Variants in IRS4 observed in about 807,000 individuals in gnomAD.
IRS4 encodes 160 kDa phosphotyrosine protein.
Under a neutral mutation model 48.6 loss-of-function variants are expected in IRS4, and 15 were observed. The observed-to-expected ratio is 0.31, with a 90% CI of 0.21 to 0.48. The LOEUF is 0.48. IRS4 is among the 20% of genes least tolerant of loss of function. The pLI is 0.99. For missense variants in IRS4, 987 were observed against 1,023.4 expected (o/e 0.96, Z 0.49); for synonymous variants, 459 against 413.2 (o/e 1.11, Z -1.34).
intron 1 of IRS4, among the ~76,000 whole-genome samples, chrX:108,728,186 C>T (rs987744512): frequency 9.0e-6 from 1 of 111,640 alleles, no homozygotes; most frequent in Non-Finnish European, 1.9e-5. Flanking sequence ...GAAGATTAAC[C>T]AACTCCTCCC....
At chrX:108,729,418 G>A (rs781683746) in intron 1 of IRS4, among the ~76,000 whole-genome samples, 4 of 109,880 alleles carry the variant, frequency 3.6e-5, no homozygotes, top group Non-Finnish European at 7.6e-5. Context: ...CCAGGAAAAT[G>A]TTCACCTCAA....
rs1453911080 is a variant in IRS4 at position 108,735,749 on chromosome X, A to G, written c.596T>C (p.Leu199Pro). 1.6e-5 allele frequency: 19 copies of G among 1,195,633 alleles called. No individual in the cohort carries two copies. Among genetic ancestry groups the G allele is most frequent in the Non-Finnish European group, 2.0e-5 (18 of 888,823 alleles). The change falls in exon 1 of 2, where the codon CTC (leucine) becomes CCC (proline). Residue 199 changes from leucine (L) to proline (P), a missense_variant. By Grantham distance (98) the Leu-to-Pro change is moderately conservative. This residue lies in a region of IRS4 where 173 missense variants were observed against 208.9 expected (regional missense o/e 0.83). Coordinates refer to ENST00000372129, the MANE Select transcript of IRS4 (RefSeq NM_001379150.1). ...GCCGCAGCGGCGGCGCTTGCTCTCG[A>G]GGATGAGGCGGCTGAGCAGCAAGTA... ...SWYLLLSRLILESKRRRCGTL... is the reference protein window; with the variant it reads ...SWYLLLSRLIPESKRRRCGTL...
Position 108,732,770 on chromosome X carries a change from G to T in IRS4, c.3575C>A (p.Pro1192Gln). 3 of 1,206,214 alleles carry T rather than the reference G, an allele frequency of 2.5e-6. No individual in the cohort carries two copies. Among genetic ancestry groups the T allele is most frequent in the Non-Finnish European group, 3.4e-6 (3 of 891,479 alleles). The change falls in exon 1 of 2, where the codon CCA becomes CAA. Residue 1192 changes from proline (P) to glutamine (Q), a missense_variant. By Grantham distance (76) the Pro-to-Gln change is moderately conservative. This residue lies in a region of IRS4 where 720 missense variants were observed against 660.3 expected (regional missense o/e 1.09). Coordinates refer to ENST00000372129, the MANE Select transcript of IRS4 (RefSeq NM_001379150.1). ...AGGSNPGAHN[P>Q]SANLARGDNQ... ...ATCACCTCTGGCAAGGTTTGCAGAT[G>T]GGTTGTGGGCTCCAGGGTTCGAGCC...
chrX:108,724,556 C>CGG (rs2068866700), intron 1 of IRS4: 1 of 111,665 alleles, frequency 9.0e-6, no homozygotes, highest in Admixed American at 9.6e-5. Context: ...TTTACATTCC[C>CGG]GGGGCACATT....
In IRS4 at chrX:108,736,222, G is replaced by A. The variant is rs1252983958; in HGVS notation, c.123C>T (p.Thr41=). The change falls in exon 1 of 2, where the codon ACC becomes ACT. Residue 41 remains threonine (T), a synonymous_variant. Transcript: ENST00000372129. ...AAGACGACCCGGTCCCAATGAGTGC[G>A]GTCGGGGTTCCCGAGGAAAGAAGCG... The part of the protein sequence containing the change: ...TTPLLSSGTP[T]ALIGTGSSCP... The A allele has an allele frequency of 1.7e-6, 2 of 1,208,857 alleles. No homozygotes were observed. Among genetic ancestry groups the A allele is most frequent in the Non-Finnish European group, 2.2e-6 (2 of 894,909 alleles).
At position 108,734,024 on chromosome X, in the gene IRS4, T is replaced by A; in HGVS notation, c.2321A>T (p.Asp774Val). 2.5e-6 allele frequency: 3 copies of A among 1,211,790 alleles called. No individual in the cohort carries two copies. The highest frequency in any genetic ancestry group is 3.4e-6 in the Non-Finnish European group (3 of 895,385). Residue 774 changes from aspartate (D) to valine (V), a missense_variant, in exon 1 of 2, where the codon GAC (aspartate) becomes GTC (valine). Coordinates refer to ENST00000372129, the MANE Select transcript of IRS4 (RefSeq NM_001379150.1). Reference protein sequence around the residue: ...TNKEDDSKDNDSESDYMFMAP... With the variant: ...TNKEDDSKDNVSESDYMFMAP... The stretch of plus-strand genomic sequence containing the variant: ...CATAAACATGTAGTCACTCTCACTG[T>A]CATTGTCCTTTGAGTCATCCTCTTT...
rs749399577 is a variant in IRS4 at position 108,734,603 on chromosome X, C to T, written c.1742G>A (p.Gly581Asp). The change falls in exon 1 of 2, where the codon GGC becomes GAC. Residue 581 changes from glycine (G) to aspartate (D), a missense_variant. Gly to Asp is a moderately conservative substitution (Grantham distance 94). Around this residue, in one of 4 missense-constraint regions of IRS4, gnomAD observed 720 missense variants for 660.3 expected, o/e 1.09. Coordinates refer to ENST00000372129, the MANE Select transcript of IRS4 (RefSeq NM_001379150.1). ...GGGQGPGDGHGSGGGKNSGGG... is the reference protein window; with the variant it reads ...GGGQGPGDGHDSGGGKNSGGG... The stretch of plus-strand genomic sequence containing the variant: ...CCCAGAGTTCTTGCCACCACCTGAG[C>T]CATGGCCATCTCCAGGTCCCTGGCC... The T allele has an allele frequency of 5.0e-6, 6 of 1,211,818 alleles. No homozygotes were observed. Among genetic ancestry groups the T allele is most frequent in the Non-Finnish European group, 6.7e-6 (6 of 895,492 alleles).
intron 1 of IRS4, among the ~76,000 whole-genome samples, chrX:108,729,492 G>A (rs1318948287): frequency 9.0e-6 from 1 of 111,183 alleles, no homozygotes; most frequent in African/African-American, 3.3e-5. Flanking sequence ...GTCATACATA[G>A]GTTAACAGTC....
At chrX:108,728,198 A>G (rs1048135390) in intron 1 of IRS4, among the ~76,000 whole-genome samples, 2 of 111,918 alleles carry the variant, frequency 1.8e-5, no homozygotes, top group Non-Finnish European at 3.8e-5. Context: ...ACTCCTCCCT[A>G]TATCAGATTT....
chrX:108,733,024 G>A lies in IRS4; in HGVS notation c.3321C>T (p.Ser1107=). The A allele has an allele frequency of 8.3e-7, 1 of 1,211,409 alleles. No homozygotes were observed. The highest frequency in any genetic ancestry group is 1.1e-6 in the Non-Finnish European group (1 of 895,236). Residue 1107 remains serine (S), a synonymous_variant, in exon 1 of 2, where the codon AGC becomes AGT. Coordinates refer to ENST00000372129, the MANE Select transcript of IRS4 (RefSeq NM_001379150.1). The stretch of plus-strand genomic sequence containing the variant: ...AGGATGGGGAAAGGTCTCTCTCGAG[G>A]CTGTCTGTTGGAAAAGCAGAGACAG... The part of the protein sequence containing the change: ...RAAVSAFPTD[S]LERDLSPSSA...
chrX:108,722,405 C>G lies in IRS4; in HGVS notation c.*114G>C. ...TGTAGGCTTGTAGAAATTTGGGTTG[C>G]TTTCTACTCAGAAGCCTCTGAGTTT... On this transcript the variant is annotated 3_prime_UTR_variant, in exon 2 of 2. Coordinates refer to ENST00000372129, the MANE Select transcript of IRS4 (RefSeq NM_001379150.1). 3.9e-6 allele frequency: 1 copy of G among 259,740 alleles called. No homozygotes were observed. The highest frequency in any genetic ancestry group is 7.3e-6 in the Non-Finnish European group (1 of 137,669). The allele number at this position is 259,740 out of a possible 1,213,427, so 21.4% of individuals were successfully genotyped here. A position where few individuals can be genotyped will look rare whatever the true frequency, so the allele number is the denominator to read the frequency against.
intron 1 of IRS4, chrX:108,724,791 GAT>G (rs2068867493): frequency 8.9e-6 from 1 of 111,944 alleles, no homozygotes; most frequent in South Asian, 3.7e-4. Flanking sequence ...ATTCCCATTT[GAT>G]ACTGACAGGT....
At chrX:108,725,764 G>A (rs765380513) in intron 1 of IRS4, 1 of 111,845 alleles carries the variant, frequency 8.9e-6, no homozygotes, top group Admixed American at 9.5e-5. Context: ...TTCATAGATC[G>A]GATGATAAAA....
At chrX:108,732,399 T>C in intron 1 of IRS4, 180 bp downstream of exon 1, 1 of 813,650 alleles carries the variant, frequency 1.2e-6, no homozygotes, top group Non-Finnish European at 1.7e-6. Context: ...ATTGATTAGA[T>C]AAAAACAAAT....
intron 1 of IRS4, chrX:108,726,934 G>C (rs1745217359): frequency 8.9e-6 from 1 of 112,243 alleles, no homozygotes; most frequent in South Asian, 3.7e-4. Context: ...TGCAAGCTAA[G>C]TGCAAGAAGG....
rs2068951208 is a variant in IRS4, at chrX:108,736,151, T to A, written c.194A>T (p.Asp65Val). The change falls in exon 1 of 2, where the codon GAC becomes GTC. Residue 65 changes from aspartate (D) to valine (V), a missense_variant. Transcript: ENST00000372129. The part of the protein sequence containing the change: ...WLSTATGSRS[D>V]SESEEEDLPV... ...CAGGTCCTCCTCTTCGGACTCGGAG[T>A]CTGACCGGGAGCCAGTGGCCGTGGA... 2 of 1,209,586 alleles carry A rather than the reference T, an allele frequency of 1.7e-6. No homozygotes were observed.
intron 1 of IRS4, among the ~76,000 whole-genome samples, chrX:108,731,151 T>C (rs1264729683): frequency 1.8e-5 from 2 of 110,286 alleles, no homozygotes; most frequent in African/African-American, 3.3e-5. Context: ...GATCACTCTT[T>C]AATGTGTCCA....
At chrX:108,731,218 A>C (rs1387928205) in intron 1 of IRS4, among the ~76,000 whole-genome samples, 1 of 110,018 alleles carries the variant, frequency 9.1e-6, no homozygotes, top group Non-Finnish European at 1.9e-5. Context: ...GAAAAAGGGG[A>C]TGTGGGGGGG....
chrX:108,728,125 A>G (rs1445636101), intron 1 of IRS4, among the ~76,000 whole-genome samples: 1 of 112,317 alleles, frequency 8.9e-6, no homozygotes, highest in East Asian at 2.8e-4. Context: ...TTTCCTTTCA[A>G]TGTTTCTGTG....
Sources: allele counts gnomAD v4.1 joint callset (sites outside exome capture counted in the v4.1 genomes callset), GRCh38; gene constraint gnomAD v4.1.1; regional missense constraint gnomAD v4.1.1; transcripts MANE v1.5; gene names NCBI Gene and HGNC (gene_info 2026-07-23, HGNC 2026-07-21).